The following MYO7B variants were observed in gnomAD, a reference collection of about 807,000 sequenced individuals.
MYO7B encodes the protein unconventional myosin-VIIb.
In MYO7B, 212 loss-of-function variants were observed where a neutral mutation model predicts 259.7. The ratio of observed to expected loss-of-function variants is 0.82; its 90% CI spans 0.73 to 0.91. The LOEUF is 0.91. Ranked by LOEUF, MYO7B falls within the 40% of genes least tolerant of loss-of-function variation. The probability of loss-of-function intolerance (pLI) is 0.00; values close to 1 mark genes in which losing one functional copy is unlikely to be tolerated. For missense variants in MYO7B, 2,732 were observed against 2,813.5 expected (o/e 0.97, Z 0.66); for synonymous variants, 1,197 against 1,166.4 (o/e 1.03, Z -0.54).
intron 26 of MYO7B, among the ~76,000 whole-genome samples, chr2:127,616,452 T>G (rs1037181999): frequency 5.9e-5 from 9 of 152,192 alleles, no homozygotes; most frequent in Non-Finnish European, 1.3e-4. Flanking sequence ...CAACTTATTC[T>G]CCCGGTTCAA....
chr2:127,613,282 G>A lies in MYO7B; in HGVS notation c.3398+679G>A, dbSNP rs920685070. Among the ~76,000 whole-genome samples the A allele has an allele frequency of 3.3e-5, 5 of 151,834 alleles. No individual in the cohort carries two copies. The highest frequency in any genetic ancestry group is 2.0e-4 in the Admixed American group (3 of 15,250). On this transcript the variant is annotated intron_variant, in intron 26 of 47. Coordinates refer to ENST00000409816, the MANE Select transcript of MYO7B (RefSeq NM_001393586.1). This position sits in a 1 kb window ranked among gnomAD's most constrained non-coding sequence, Gnocchi z 4.3. ...TATCTTTTCTTTCTTTTTTCTCTGT[G>A]TTCTTTAGATTGGATAGTTTCTATT...
chr2:127,590,008 C>T lies in MYO7B; in HGVS notation c.1855-84C>T. The T allele has an allele frequency of 1.4e-6, 2 of 1,478,048 alleles. No homozygotes were observed. The highest frequency in any genetic ancestry group is 1.8e-6 in the Non-Finnish European group (2 of 1,090,546). The allele number at this position is 1,478,048 out of a possible 1,614,324, so 91.6% of individuals were successfully genotyped here. On this transcript the variant is annotated intron_variant, in intron 15 of 47. Transcript: ENST00000409816. This position sits in a 1 kb window ranked among gnomAD's most constrained non-coding sequence, Gnocchi z 4.6. ...CACCACCCCACCTGTGGGGCCTTGG[C>T]CGCAACCCTTGCTGGCCTACAGGGT...
rs1359702818 is a variant in MYO7B at position 127,566,718 on chromosome 2, C to G, written c.361C>G (p.Leu121Val). Residue 121 changes from leucine (L) to valine (V), a missense_variant, in exon 5 of 48, where the codon CTC (leucine) becomes GTC (valine). Physicochemically the swap from Leu to Val is conservative, Grantham distance 32. Around this residue, in one of 3 missense-constraint regions of MYO7B, gnomAD observed 1,906 missense variants for 2,026.4 expected, o/e 0.94. Transcript: ENST00000409816. ...GCTCTACACCCTGGAGCAGGTACAG[C>G]TCTACTACAGCCGCCATATGGGCGA... ...LPLYTLEQVQ[L>V]YYSRHMGELP... The G allele has an allele frequency of 1.2e-6, 2 of 1,611,864 alleles. No homozygotes were observed. Among genetic ancestry groups the G allele is most frequent in the Non-Finnish European group, 1.7e-6 (2 of 1,179,568 alleles).
At chr2:127,553,105 C>A (rs577012384) in intron 1 of MYO7B, among the ~76,000 whole-genome samples, 47 of 152,238 alleles carry the variant, frequency 3.1e-4, no homozygotes, top group Non-Finnish European at 6.0e-4. Flanking sequence ...AAAGTCACAT[C>A]CTCTCCAAGG....
At chr2:127,616,330 A>G (rs1218136379) in intron 26 of MYO7B, among the ~76,000 whole-genome samples, 3 of 152,232 alleles carry the variant, frequency 2.0e-5, no homozygotes, top group African/African-American at 7.2e-5. Context: ...ACTAGATGCT[A>G]TGGGTTGTGA....
intron 15 of MYO7B, 102 bp downstream of exon 15, chr2:127,588,657 C>T: frequency 1.4e-6 from 2 of 1,396,352 alleles, no homozygotes; most frequent in Non-Finnish European, 9.8e-7. Context: ...GGGTCCACAG[C>T]ATGCAGTTGG....
chr2:127,583,238 C>T (rs1414139012), intron 12 of MYO7B, among the ~76,000 whole-genome samples: 2 of 152,234 alleles, frequency 1.3e-5, no homozygotes, highest in Admixed American at 1.3e-4. Context: ...ACCTTGCATG[C>T]CCCTGCCCAA....
chr2:127,584,294 A>G lies in MYO7B; in HGVS notation c.1516A>G (p.Ile506Val). ...CCTGCTGGCCCTCAAGCCCATGAGC[A>G]TCATCTCCCTCCTGGACGAAGAAAG... ...LDLLALKPMS[I>V]ISLLDEESRF... The change falls in exon 13 of 48, where the codon ATC (isoleucine) becomes GTC (valine). Residue 506 changes from isoleucine (I) to valine (V), a missense_variant. Ile to Val is a conservative substitution (Grantham distance 29). This residue lies in a region of MYO7B where 1,906 missense variants were observed against 2,026.4 expected (regional missense o/e 0.94). Coordinates refer to ENST00000409816, the MANE Select transcript of MYO7B (RefSeq NM_001393586.1). The surrounding 1 kb of genome is among the most constrained non-coding windows in gnomAD (Gnocchi z 5.8). The G allele has an allele frequency of 6.2e-7, 1 of 1,613,972 alleles. No individual in the cohort carries two copies. Among genetic ancestry groups the G allele is most frequent in the Non-Finnish European group, 8.5e-7 (1 of 1,179,880 alleles).
At chr2:127,581,370 G>A (rs141599489) in intron 10 of MYO7B, among the ~76,000 whole-genome samples, 7 of 152,296 alleles carry the variant, frequency 4.6e-5, no homozygotes, top group Admixed American at 2.0e-4. Flanking sequence ...AGCACCCCAC[G>A]TCACCCCCAT....
At chr2:127,548,935 T>C (rs1041496572) in intron 1 of MYO7B, among the ~76,000 whole-genome samples, 6 of 152,220 alleles carry the variant, frequency 3.9e-5, no homozygotes, top group East Asian at 1.9e-4. Context: ...TTTAATTCCA[T>C]TGTGGTCAGA....
intron 26 of MYO7B, among the ~76,000 whole-genome samples, chr2:127,618,973 A>ACTGGTTGGATCGTGGGGG (rs1437890170): frequency 6.7e-6 from 1 of 149,950 alleles, no homozygotes. Context: ...GCATGTGGGC[A>ACTGGTTGGATCGTGGGGG]CTGGTTGGAT....
chr2:127,624,149 G>A lies in MYO7B; in HGVS notation c.3876G>A (p.Glu1292=), dbSNP rs1242486389. The A allele has an allele frequency of 1.3e-6, 2 of 1,595,482 alleles. No individual in the cohort carries two copies. Among genetic ancestry groups the A allele is most frequent in the African/African-American group, 2.7e-5 (2 of 74,666 alleles). ...TGATGGATGCCATCGCCCGGTGTGA[G>A]CAGATGGCCCAGGAGAGGGGCGAGA... ...DHMMDAIARC[E]QMAQERGESQ... is the part of the protein sequence containing the mutation. The change falls in exon 30 of 48, where the codon GAG becomes GAA. Residue 1292 remains glutamate (E), a synonymous_variant. Coordinates refer to ENST00000409816, the MANE Select transcript of MYO7B (RefSeq NM_001393586.1).
chr2:127,603,233 T>C (rs1680031607), intron 19 of MYO7B, among the ~76,000 whole-genome samples: 1 of 152,220 alleles, frequency 6.6e-6, no homozygotes, highest in Non-Finnish European at 1.5e-5. Context: ...GAATCATGAA[T>C]GTTCTTAGTG....
intron 19 of MYO7B, among the ~76,000 whole-genome samples, chr2:127,600,654 G>A (rs951561712): frequency 6.6e-6 from 1 of 152,216 alleles, no homozygotes; most frequent in Non-Finnish European, 1.5e-5. Flanking sequence ...AGGTTGCAGT[G>A]AGCCAAGATT....
chr2:127,616,818 C>T (rs1054105191), intron 26 of MYO7B, among the ~76,000 whole-genome samples: 64 of 152,148 alleles, frequency 4.2e-4, no homozygotes, highest in African/African-American at 1.4e-3. Context: ...TCTCATTTCC[C>T]GACAGGGGGG....
At chr2:127,594,269 C>G (rs1223230623) in intron 18 of MYO7B, among the ~76,000 whole-genome samples, 1 of 152,204 alleles carries the variant, frequency 6.6e-6, no homozygotes, top group Non-Finnish European at 1.5e-5. Flanking sequence ...ACCTTCCTGT[C>G]CCCTAGTCTC....
intron 34 of MYO7B, 38 bp from the exon 35 acceptor site, chr2:127,629,607 T>C: frequency 6.3e-7 from 1 of 1,589,768 alleles, no homozygotes. Context: ...CTCTGGCCCC[T>C]GCAGAGCCCT....
Position 127,596,473 on chromosome 2 carries a change from C to A in MYO7B, c.2256C>A (p.Asp752Glu), listed in dbSNP as rs750505555. 11 of 1,613,210 alleles carry A rather than the reference C, an allele frequency of 6.8e-6. No homozygotes were observed. The highest frequency in any genetic ancestry group is 1.1e-5 in the South Asian group (1 of 90,860). ...KTKIFLRDHQDTLLEVQRSQV... is the reference protein window; with the variant it reads ...KTKIFLRDHQETLLEVQRSQV... ...CTCTCCTGTTCCAGGATCATCAGGA[C>A]ACTCTGCTGGAGGTACAGAGAAGCC... The change falls in exon 19 of 48, where the codon GAC becomes GAA. Residue 752 changes from aspartate (D) to glutamate (E), a missense_variant. Asp to Glu is a conservative substitution (Grantham distance 45, BLOSUM62 2). Transcript: ENST00000409816.
chr2:127,617,256 C>T (rs1680604238), intron 26 of MYO7B, among the ~76,000 whole-genome samples: 1 of 152,212 alleles, frequency 6.6e-6, no homozygotes. Context: ...TTCATCCTTC[C>T]TCTCCCGTTC....
Sources: allele counts gnomAD v4.1 joint callset (sites outside exome capture counted in the v4.1 genomes callset), GRCh38; gene constraint gnomAD v4.1.1; regional missense constraint gnomAD v4.1.1; non-coding constraint Gnocchi (gnomAD v3.1); transcripts MANE v1.5; gene names NCBI Gene and HGNC (gene_info 2026-07-23, HGNC 2026-07-21).